Variants in MYO5C observed in about 807,000 individuals in gnomAD.
MYO5C encodes unconventional myosin-Vc.
MYO5C carries 194 observed loss-of-function variants against 235.7 expected under a neutral mutation model. The observed-to-expected ratio is 0.82, with a 90% CI of 0.73 to 0.93. The LOEUF is 0.93. Ranked by LOEUF, MYO5C falls within the 40% of genes least tolerant of loss-of-function variation. The pLI is 0.00. For missense variants in MYO5C, 2,038 were observed against 2,127.2 expected (o/e 0.96, Z 0.82); for synonymous variants, 707 against 754.8 (o/e 0.94, Z 1.04).
intron 11 of MYO5C, among the ~76,000 whole-genome samples, chr15:52,254,576 T>C (rs1345836684): frequency 6.6e-6 from 1 of 151,762 alleles, no homozygotes; most frequent in Non-Finnish European, 1.5e-5. Context: ...AAGCTTTCTG[T>C]GCTGACAATT....
Position 52,229,300 on chromosome 15 carries a change from T to C in MYO5C, c.3040A>G (p.Ser1014Gly). 1 of 1,613,230 alleles carries C rather than the reference T, an allele frequency of 6.2e-7. No homozygotes were observed. The highest frequency in any genetic ancestry group is 8.5e-7 in the Non-Finnish European group (1 of 1,179,900). Residue 1014 changes from serine to glycine, a missense_variant, in exon 25 of 41, where the codon AGT (serine) becomes GGT (glycine). Ser to Gly is a moderately conservative substitution (Grantham distance 56). Transcript: ENST00000261839. Reference protein sequence around the residue: ...EERQRMLLEKSFELKTQDYEK... With the variant: ...EERQRMLLEKGFELKTQDYEK... ...TAGTCTTGTGTTTTCAGTTCAAAAC[T>C]TTTTTCAAGAAGCCTACGCAGCAAA... is the stretch of plus-strand genomic sequence containing the variant.
intron 9 of MYO5C, among the ~76,000 whole-genome samples, 178 bp from the exon 10 acceptor site, chr15:52,261,305 C>T (rs2036690367): frequency 6.6e-6 from 1 of 152,392 alleles, no homozygotes; most frequent in Middle Eastern, 3.4e-3. Flanking sequence ...AAGGGGGCTA[C>T]AGCAGCACGG....
In MYO5C at chr15:52,256,718, A is replaced by G; in HGVS notation, c.1316T>C (p.Phe439Ser). The G allele has an allele frequency of 1.2e-6, 2 of 1,610,368 alleles. No homozygotes were observed. Among genetic ancestry groups the G allele is most frequent in the Non-Finnish European group, 1.7e-6 (2 of 1,177,098 alleles). Residue 439 changes from phenylalanine to serine, a missense_variant and splice_region_variant, in exon 11 of 41, where the codon TTT becomes TCT. Phe to Ser is a radical substitution (Grantham distance 155). Transcript: ENST00000261839. The stretch of plus-strand genomic sequence containing the variant: ...AAAGCTGTTCACATCAAAGGTTTCA[A>G]AACTGAAATACAATTTAAACAAGTT... ...TFIGVLDIYG[F>S]ETFDVNSFEQ...
rs1051393932 is a variant in MYO5C at position 52,239,975 on chromosome 15, A to C, written c.2557-96T>G. ...GAAGATGCAACTACCACGGTGTAGAAAATGAGTTTCTTCTTGTCAACCTGC... is the reference window on the plus strand; with the variant it reads ...GAAGATGCAACTACCACGGTGTAGACAATGAGTTTCTTCTTGTCAACCTGC... On this transcript the variant is annotated intron_variant, in intron 20 of 40. Transcript: ENST00000261839. The C allele has an allele frequency of 4.5e-6, 6 of 1,331,058 alleles. No individual in the cohort carries two copies. The African/African-American group carries it at 8.8e-5, about 20-fold the overall frequency. 82.5% of individuals were successfully genotyped at this position (1,331,058 alleles called of 1,614,324 possible).
intron 1 of MYO5C, among the ~76,000 whole-genome samples, chr15:52,284,453 G>A (rs1398712421): frequency 2.6e-5 from 4 of 152,126 alleles, no homozygotes; most frequent in Non-Finnish European, 5.9e-5. Context: ...GTGGGGCCAG[G>A]GAGTGACTCC....
At chr15:52,226,666 TG>T (rs2035829394) in intron 25 of MYO5C, among the ~76,000 whole-genome samples, 1 of 152,208 alleles carries the variant, frequency 6.6e-6, no homozygotes, top group Non-Finnish European at 1.5e-5. Flanking sequence ...TACATTTAAC[TG>T]AAGGCTGACT....
At position 52,267,664 on chromosome 15, in the gene MYO5C, C is replaced by T. The variant is rs910156456; in HGVS notation, c.940+2089G>A. 2.6e-4 allele frequency among the ~76,000 whole-genome samples: 39 copies of T among 152,082 alleles called. 1 individual carries two copies. Among genetic ancestry groups the T allele is most frequent in the Admixed American group, 1.7e-3 (26 of 15,268 alleles). ...CTGCACCATTGTACCCCAGCCTGGG[C>T]GACAGAGCGAGACTCCATCTCAAAA... is the stretch of plus-strand genomic sequence containing the variant. On this transcript the variant is annotated intron_variant, in intron 8 of 40. Coordinates refer to ENST00000261839, the MANE Select transcript of MYO5C (RefSeq NM_018728.4).
intron 32 of MYO5C, among the ~76,000 whole-genome samples, chr15:52,216,182 G>C (rs2035545930): frequency 6.6e-6 from 1 of 152,098 alleles, no homozygotes; most frequent in African/African-American, 2.4e-5. Context: ...GTTCTCTCCA[G>C]CAGCATAAGA....
intron 20 of MYO5C, among the ~76,000 whole-genome samples, chr15:52,240,545 A>AG (rs2036192255): frequency 7.1e-6 from 1 of 141,384 alleles, no homozygotes; most frequent in African/African-American, 2.5e-5. Flanking sequence ...CTCTACAAAA[A>AG]AAGAAAAAGA....
At chr15:52,236,671 G>C (rs770085905) in intron 22 of MYO5C, 4 of 151,576 alleles carry the variant, frequency 2.6e-5, no homozygotes, top group African/African-American at 9.7e-5. Context: ...GCAAGACTCC[G>C]TCTAAAAAAA....
At chr15:52,252,650 C>T (rs2036497308) in intron 12 of MYO5C, among the ~76,000 whole-genome samples, 1 of 151,872 alleles carries the variant, frequency 6.6e-6, no homozygotes, top group African/African-American at 2.4e-5. Flanking sequence ...TGGTGTGCGC[C>T]TATAATTCCA....
rs374185213 is a variant in MYO5C, at chr15:52,279,688, T to C, written c.139-14A>G. Reference sequence around the variant, plus strand: ...ATAATCCAGCTCCTATGGACAAAGATAAAAATTAAAGCTCTGGAAATAAAA... The same window carrying C: ...ATAATCCAGCTCCTATGGACAAAGACAAAAATTAAAGCTCTGGAAATAAAA... On this transcript the variant is annotated splice_polypyrimidine_tract_variant and intron_variant, in intron 2 of 40. Coordinates refer to ENST00000261839, the MANE Select transcript of MYO5C (RefSeq NM_018728.4). The C allele has an allele frequency of 1.3e-6, 2 of 1,596,422 alleles. No homozygotes were observed. Among genetic ancestry groups the C allele is most frequent in the Non-Finnish European group, 1.7e-6 (2 of 1,166,104 alleles).
At chr15:52,227,922 T>C (rs1483888344) in intron 25 of MYO5C, among the ~76,000 whole-genome samples, 1 of 152,244 alleles carries the variant, frequency 6.6e-6, no homozygotes, top group East Asian at 1.9e-4. Context: ...GTATTTCACA[T>C]ATTTAGTAGA....
rs763366036 is a variant in MYO5C at position 52,245,981 on chromosome 15, T to A, written c.2041A>T (p.Ile681Phe). Residue 681 changes from isoleucine (I) to phenylalanine (F), a missense_variant, in exon 17 of 41, where the codon ATT (isoleucine) becomes TTT (phenylalanine). By Grantham distance (21) the Ile-to-Phe change is conservative. Coordinates refer to ENST00000261839, the MANE Select transcript of MYO5C (RefSeq NM_018728.4). Reference protein sequence around the residue: ...RACGVLETIRISAQSYPSRWT... With the variant: ...RACGVLETIRFSAQSYPSRWT... Reference sequence around the variant, plus strand: ...CTGGAAGGGTAGCTCTGTGCACTAATGCGAATCGTTTCTAAAACGCCGCAG... The same window carrying A: ...CTGGAAGGGTAGCTCTGTGCACTAAAGCGAATCGTTTCTAAAACGCCGCAG... 2 of 1,614,200 alleles carry A rather than the reference T, an allele frequency of 1.2e-6. No individual in the cohort carries two copies. The highest frequency in any genetic ancestry group is 1.7e-6 in the Non-Finnish European group (2 of 1,180,034).
intron 1 of MYO5C, among the ~76,000 whole-genome samples, chr15:52,283,685 T>G (rs962022872): frequency 1.3e-5 from 2 of 152,190 alleles, no homozygotes; most frequent in African/African-American, 4.8e-5. Flanking sequence ...TAGGATTTTT[T>G]TTTTTTTGAG....
At chr15:52,270,555 C>T (rs182014361) in intron 7 of MYO5C, among the ~76,000 whole-genome samples, 358 of 151,658 alleles carry the variant, frequency 2.4e-3, no homozygotes, top group Admixed American at 4.3e-3. Flanking sequence ...TTAGCACAAT[C>T]CGGATAATGA....
intron 36 of MYO5C, among the ~76,000 whole-genome samples, chr15:52,207,153 A>G (rs1414264491): frequency 6.6e-6 from 1 of 152,170 alleles, no homozygotes; most frequent in South Asian, 2.1e-4. Flanking sequence ...AAAGAAAAAA[A>G]AAAAAGAACA....
intron 1 of MYO5C, among the ~76,000 whole-genome samples, chr15:52,287,678 C>T (rs531589770): frequency 1.3e-5 from 2 of 152,270 alleles, no homozygotes; most frequent in African/African-American, 4.8e-5. Flanking sequence ...AGAAAGCCTA[C>T]TTCAAAAGGA....
At chr15:52,259,513 C>T (rs2036648557) in intron 10 of MYO5C, among the ~76,000 whole-genome samples, 1 of 151,524 alleles carries the variant, frequency 6.6e-6, no homozygotes, top group South Asian at 2.1e-4. Context: ...CCCAAAAGAA[C>T]AGGGAATAAC....
Sources: gnomAD v4.1 joint callset for allele counts (sites outside exome capture counted in the v4.1 genomes callset) on GRCh38, gnomAD v4.1.1 for gene constraint, MANE v1.5 for transcripts, NCBI Gene and HGNC (gene_info 2026-07-23, HGNC 2026-07-21) for gene names.